The following NELL1 variants were observed in gnomAD, a reference collection of about 807,000 sequenced individuals.
NELL1 encodes the protein protein kinase C-binding protein NELL1.
In NELL1, 76 loss-of-function variants were observed where a neutral mutation model predicts 107.4. The ratio of observed to expected loss-of-function variants is 0.71; its 90% CI spans 0.59 to 0.86. The LOEUF (loss-of-function observed/expected upper bound fraction) is 0.86, where lower values mean the gene tolerates loss of function less well. NELL1 is among the 40% of genes least tolerant of loss of function. The probability of loss-of-function intolerance (pLI) is 0.00; values close to 1 mark genes in which losing one functional copy is unlikely to be tolerated. For missense variants in NELL1, 1,024 were observed against 1,005.5 expected (o/e 1.02, Z -0.25); for synonymous variants, 353 against 341.2 (o/e 1.03, Z -0.38).
At chr11:21,541,838 T>C (rs1218967159) in intron 16 of NELL1, among the ~76,000 whole-genome samples, 1 of 152,082 alleles carries the variant, frequency 6.6e-6, no homozygotes, top group East Asian at 1.9e-4. Flanking sequence ...TATATGATAG[T>C]CAACATTTAA....
chr11:20,687,933 C>T (rs1854349043), intron 2 of NELL1, among the ~76,000 whole-genome samples: 1 of 152,086 alleles, frequency 6.6e-6, no homozygotes, highest in Non-Finnish European at 1.5e-5. Context: ...ATAAGTTAGA[C>T]AGACTATTTG....
chr11:20,947,063 T>C (rs1392635358), intron 10 of NELL1, among the ~76,000 whole-genome samples: 1 of 152,194 alleles, frequency 6.6e-6, no homozygotes, highest in African/African-American at 2.4e-5. Context: ...TAGACTTTTA[T>C]CAGTGCATTG....
chr11:20,676,079 C>T (rs1231840525), intron 1 of NELL1, among the ~76,000 whole-genome samples: 1 of 152,050 alleles, frequency 6.6e-6, no homozygotes. Flanking sequence ...TACCCCTGGC[C>T]CATTCAGTTT....
chr11:21,325,776 TTCAG>T (rs1370165518), intron 14 of NELL1, among the ~76,000 whole-genome samples: 2 of 152,050 alleles, frequency 1.3e-5, no homozygotes, highest in South Asian at 4.1e-4. Flanking sequence ...TGTGCTGCTT[TTCAG>T]TCAATCACTG....
At chr11:21,314,384 C>G (rs895772391) in intron 14 of NELL1, among the ~76,000 whole-genome samples, 1 of 152,250 alleles carries the variant, frequency 6.6e-6, no homozygotes, top group Non-Finnish European at 1.5e-5. Flanking sequence ...TCTTTTTAGA[C>G]TTCTTGCTCT....
intron 14 of NELL1, among the ~76,000 whole-genome samples, chr11:21,316,412 C>A (rs970302615): frequency 6.6e-6 from 1 of 152,122 alleles, no homozygotes; most frequent in African/African-American, 2.4e-5. Flanking sequence ...AAGAAGGAAG[C>A]CAAATCACTC....
chr11:21,006,830 C>T (rs1249860057), intron 12 of NELL1, among the ~76,000 whole-genome samples: 1 of 152,106 alleles, frequency 6.6e-6, no homozygotes, highest in Non-Finnish European at 1.5e-5. Context: ...GACAACCCCA[C>T]AGGGAAGCGG....
intron 13 of NELL1, among the ~76,000 whole-genome samples, chr11:21,224,125 T>G (rs532564738): frequency 6.6e-6 from 1 of 152,344 alleles, no homozygotes; most frequent in African/African-American, 2.4e-5. Context: ...AGTTTGACTA[T>G]AATGTGCCTT....
intron 12 of NELL1, among the ~76,000 whole-genome samples, chr11:20,974,243 T>A (rs928172816): frequency 6.6e-6 from 1 of 152,138 alleles, no homozygotes; most frequent in Non-Finnish European, 1.5e-5. Flanking sequence ...GTTTGATAAG[T>A]TTTTCTTGCT....
intron 15 of NELL1, among the ~76,000 whole-genome samples, chr11:21,469,414 C>T (rs1044899166): frequency 6.6e-6 from 1 of 151,972 alleles, no homozygotes; most frequent in African/African-American, 2.4e-5. Context: ...GTTCTATAGC[C>T]TCAGTGGAAA....
At chr11:20,994,136 C>A (rs1292528574) in intron 12 of NELL1, among the ~76,000 whole-genome samples, 1 of 152,104 alleles carries the variant, frequency 6.6e-6, no homozygotes, top group Admixed American at 6.5e-5. Context: ...AGGTTCAGGG[C>A]CTTATATTAG....
At chr11:21,061,774 G>C (rs1403927205) in intron 12 of NELL1, among the ~76,000 whole-genome samples, 1 of 152,162 alleles carries the variant, frequency 6.6e-6, no homozygotes, top group Non-Finnish European at 1.5e-5. Flanking sequence ...GAGAACTGGA[G>C]GTGGGAGCAT....
chr11:21,161,692 AT>A (rs1856374112), intron 13 of NELL1, among the ~76,000 whole-genome samples: 1 of 152,140 alleles, frequency 6.6e-6, no homozygotes, highest in African/African-American at 2.4e-5. Flanking sequence ...GGTAAAATTA[AT>A]TTTAATAGTA....
intron 15 of NELL1, among the ~76,000 whole-genome samples, chr11:21,404,835 G>A (rs1258943007): frequency 6.6e-6 from 1 of 151,960 alleles, no homozygotes; most frequent in Admixed American, 6.6e-5. Flanking sequence ...CTGAATATCA[G>A]CCCTGGGGGC....
At chr11:20,862,881 G>A (rs369509604) in intron 4 of NELL1, among the ~76,000 whole-genome samples, 31 of 151,936 alleles carry the variant, frequency 2.0e-4, no homozygotes, top group Admixed American at 5.9e-4. Flanking sequence ...TTTAACCCTG[G>A]GTGGACACAG....
At position 20,870,302 on chromosome 11, in the gene NELL1, T is replaced by G. The variant is rs541786285; in HGVS notation, c.507-15142T>G. ...TACCCATTAGTTTTCTTCAAAACTT[T>G]GTCTCACTACTATGCAGTTTTTTTC... On this transcript the variant is annotated intron_variant, in intron 4 of 19. Transcript: ENST00000357134. Among the ~76,000 whole-genome samples, 3 of 152,230 alleles carry G rather than the reference T, an allele frequency of 2.0e-5. No individual in the cohort carries two copies. In the South Asian group the frequency reaches 6.2e-4, roughly 32 times the overall value.
intron 14 of NELL1, among the ~76,000 whole-genome samples, chr11:21,278,440 A>G (rs560461810): frequency 6.6e-6 from 1 of 152,220 alleles, no homozygotes; most frequent in Non-Finnish European, 1.5e-5. Flanking sequence ...TGACTATAGC[A>G]TAGTGGCAGA....
At chr11:21,392,518 C>T (rs554265673) in intron 15 of NELL1, among the ~76,000 whole-genome samples, 9 of 151,732 alleles carry the variant, frequency 5.9e-5, no homozygotes, top group Non-Finnish European at 1.3e-4. Context: ...TATAATTTGT[C>T]TTTAGTATTA....
intron 16 of NELL1, among the ~76,000 whole-genome samples, chr11:21,548,631 G>A (rs554717235): frequency 6.6e-6 from 1 of 151,832 alleles, no homozygotes; most frequent in African/African-American, 2.4e-5. Flanking sequence ...GGAATTATGG[G>A]AGCTACAAGA....
Sources: gnomAD v4.1 joint callset for allele counts (sites outside exome capture counted in the v4.1 genomes callset) on GRCh38, gnomAD v4.1.1 for gene constraint, MANE v1.5 for transcripts, NCBI Gene and HGNC (gene_info 2026-07-23, HGNC 2026-07-21) for gene names.